GHR: variants seen among roughly 807,000 people sequenced by gnomAD.
GHR encodes growth hormone receptor.
GHR carries 35 observed loss-of-function variants against 67.1 expected under a neutral mutation model. That is an observed-to-expected ratio of 0.52 (90% CI 0.40 to 0.69). The LOEUF is 0.69. Ranked by LOEUF, GHR falls within the 30% of genes least tolerant of loss-of-function variation. The pLI is 0.00. For missense variants in GHR, 792 were observed against 764.6 expected (o/e 1.04, Z -0.42); for synonymous variants, 272 against 269.1 (o/e 1.01, Z -0.10).
At chr5:42,647,258 G>C (rs1379700156) in intron 3 of GHR, among the ~76,000 whole-genome samples, 1 of 152,000 alleles carries the variant, frequency 6.6e-6, no homozygotes, top group Non-Finnish European at 1.5e-5. Context: ...TTGCAACTGA[G>C]AGCTTTGTGC....
At chr5:42,657,860 A>T (rs1580139034) in intron 3 of GHR, among the ~76,000 whole-genome samples, 1 of 152,228 alleles carries the variant, frequency 6.6e-6, no homozygotes, top group East Asian at 1.9e-4. Flanking sequence ...AGCTCAAGTG[A>T]TCCTCCCACC....
chr5:42,706,175 G>A lies in GHR; in HGVS notation c.619-5032G>A, dbSNP rs138428134. On this transcript the variant is annotated intron_variant, in intron 6 of 9. Coordinates refer to ENST00000230882, the MANE Select transcript of GHR (RefSeq NM_000163.5). ...ATGTTGAGCATTTTTTCTTACACTTGTTGGCTCATGTTTGTGTTCTTTTGA... is the reference window on the plus strand; with the variant it reads ...ATGTTGAGCATTTTTTCTTACACTTATTGGCTCATGTTTGTGTTCTTTTGA... 2.6e-5 allele frequency among the ~76,000 whole-genome samples: 4 copies of A among 151,946 alleles called. No homozygotes were observed. In the East Asian group the frequency reaches 7.7e-4, roughly 29 times the overall value.
In GHR at chr5:42,424,324, G is replaced by A; in HGVS notation, c.-12+369G>A. 1 of 555,534 alleles carries A rather than the reference G, an allele frequency of 1.8e-6. No homozygotes were observed. Among genetic ancestry groups the A allele is most frequent in the Non-Finnish European group, 3.2e-6 (1 of 308,708 alleles). 34.4% of individuals were successfully genotyped at this position (555,534 alleles called of 1,614,324 possible). A position where few individuals can be genotyped will look rare whatever the true frequency, so the allele number is the denominator to read the frequency against. ...TAGTGTACGTGGAGGGGTTTACTCC[G>A]GAGACAGTTTTGTTAAAGTCATAAA... On this transcript the variant is annotated intron_variant, in intron 1 of 9. Transcript: ENST00000230882. The surrounding 1 kb of genome is among the most constrained non-coding windows in gnomAD (Gnocchi z 4.1).
intron 1 of GHR, among the ~76,000 whole-genome samples, chr5:42,478,439 A>T (rs1370934930): frequency 4.6e-5 from 7 of 152,246 alleles, no homozygotes; most frequent in African/African-American, 1.4e-4. Flanking sequence ...TGGTAGCTTG[A>T]TGGGGATGGC....
rs147751389 is a variant in GHR at position 42,636,342 on chromosome 5, A to C, written c.136+7239A>C. 4.7e-3 allele frequency among the ~76,000 whole-genome samples: 711 copies of C among 152,244 alleles called. 4 individuals carry two copies. Among genetic ancestry groups the C allele is most frequent in the Non-Finnish European group, 7.4e-3 (505 of 68,012 alleles). On this transcript the variant is annotated intron_variant, in intron 3 of 9. Coordinates refer to ENST00000230882, the MANE Select transcript of GHR (RefSeq NM_000163.5). Reference sequence around the variant, plus strand: ...GTTTCTTTGCCAAAGCATAACACACATTTTTTAAAGGGATAATTCAAGACA... The same window carrying C: ...GTTTCTTTGCCAAAGCATAACACACCTTTTTTAAAGGGATAATTCAAGACA...
Position 42,719,852 on chromosome 5 carries a change from A to T in GHR, c.*428A>T, listed in dbSNP as rs1758935548. On this transcript the variant is annotated 3_prime_UTR_variant, in exon 10 of 10. Transcript: ENST00000230882. ...ATTTTTTGTTGTTTCTTAAATAAGA[A>T]ACTTTTTTATTTAAAAAACTAAAAA... The T allele has an allele frequency of 6.2e-6, 1 of 160,644 alleles. No individual in the cohort carries two copies. The highest frequency in any genetic ancestry group is 1.4e-5 in the Non-Finnish European group (1 of 74,058). The allele number at this position is 160,644 out of a possible 1,614,324, so 10.0% of individuals were successfully genotyped here.
intron 2 of GHR, among the ~76,000 whole-genome samples, chr5:42,599,721 CAACAAA>C (rs1465677540): frequency 6.6e-6 from 1 of 152,194 alleles, no homozygotes; most frequent in East Asian, 1.9e-4. Context: ...AAGAATTTAA[CAACAAA>C]AACAACAACA....
intron 3 of GHR, among the ~76,000 whole-genome samples, chr5:42,658,048 T>C (rs1218031685): frequency 6.6e-6 from 1 of 152,214 alleles, no homozygotes; most frequent in African/African-American, 2.4e-5. Flanking sequence ...GGAATTCAGA[T>C]ATTTCTGATA....
intron 3 of GHR, among the ~76,000 whole-genome samples, chr5:42,688,051 A>G (rs1201112083): frequency 2.0e-5 from 3 of 152,238 alleles, no homozygotes; most frequent in African/African-American, 7.2e-5. Flanking sequence ...GAATTAACAC[A>G]TGAGTATGTA....
chr5:42,492,781 C>T (rs1263011911), intron 1 of GHR, among the ~76,000 whole-genome samples: 1 of 152,082 alleles, frequency 6.6e-6, no homozygotes, highest in Non-Finnish European at 1.5e-5. Context: ...TAAGAGAAAG[C>T]TTTACAAATG....
At chr5:42,599,867 C>G (rs565054439) in intron 2 of GHR, among the ~76,000 whole-genome samples, 2 of 152,252 alleles carry the variant, frequency 1.3e-5, no homozygotes, top group East Asian at 3.9e-4. Context: ...ATGGGGCAAA[C>G]ATTCTCTACT....
intron 3 of GHR, among the ~76,000 whole-genome samples, chr5:42,685,401 C>T (rs1039926576): frequency 1.3e-5 from 2 of 152,158 alleles, no homozygotes; most frequent in Non-Finnish European, 2.9e-5. Flanking sequence ...CTGCAATAAA[C>T]ATACATGTGC....
At chr5:42,567,114 AGACCTTGGTTCT>A in intron 2 of GHR, among the ~76,000 whole-genome samples, 1 of 152,308 alleles carries the variant, frequency 6.6e-6, no homozygotes, top group South Asian at 2.1e-4. Context: ...GGCTGGTTTT[AGACCTTGGTTCT>A]GAGCCAAAGA....
intron 1 of GHR, chr5:42,548,063 C>A (rs1748818906): frequency 1.3e-5 from 13 of 984,682 alleles, no homozygotes; most frequent in Non-Finnish European, 1.6e-5. Flanking sequence ...GCTGATTTGG[C>A]TGCCTCCATT....
intron 1 of GHR, chr5:42,467,050 T>A: frequency 1.9e-6 from 3 of 1,568,698 alleles, no homozygotes; most frequent in Non-Finnish European, 2.6e-6. Flanking sequence ...ATTACACATG[T>A]AAGGTTTTTC....
intron 1 of GHR, among the ~76,000 whole-genome samples, chr5:42,562,245 C>T (rs1749649812): frequency 6.6e-6 from 1 of 152,080 alleles, no homozygotes; most frequent in Non-Finnish European, 1.5e-5. Flanking sequence ...CGTCTCGTGG[C>T]CTGGCTCATG....
chr5:42,697,511 A>G (rs540128492), intron 5 of GHR, among the ~76,000 whole-genome samples: 42 of 151,624 alleles, frequency 2.8e-4, no homozygotes, highest in African/African-American at 9.7e-4. Context: ...TGGAGAGGAT[A>G]ATTATGTGTG....
At chr5:42,649,813 A>C (rs1312864058) in intron 3 of GHR, among the ~76,000 whole-genome samples, 2 of 152,210 alleles carry the variant, frequency 1.3e-5, no homozygotes, top group Admixed American at 1.3e-4. Context: ...ATTTCTGCAA[A>C]CATTTTGAAA....
At chr5:42,514,339 T>C in intron 1 of GHR, 1 of 876,360 alleles carries the variant, frequency 1.1e-6, no homozygotes. Context: ...TGTTGAGATC[T>C]CCAGCCTTGC....
Sources: gnomAD v4.1 joint callset for allele counts (sites outside exome capture counted in the v4.1 genomes callset) on GRCh38, gnomAD v4.1.1 for gene constraint, Gnocchi (gnomAD v3.1) non-coding constraint, MANE v1.5 for transcripts, NCBI Gene and HGNC (gene_info 2026-07-23, HGNC 2026-07-21) for gene names.